GFPT1: variants seen among roughly 807,000 people sequenced by gnomAD.
The protein encoded by GFPT1 is glutamine--fructose-6-phosphate transaminase 1, also known as glutamine--fructose-6-phosphate aminotransferase [isomerizing] 1.
Under a neutral mutation model 92.0 loss-of-function variants are expected in GFPT1, and 40 were observed. That is an observed-to-expected ratio of 0.43 (90% confidence interval 0.34 to 0.57). GFPT1 has a LOEUF of 0.57. Among genes scored for constraint, GFPT1 ranks in the 20% least tolerant of loss-of-function variants. The pLI, the probability that GFPT1 is intolerant of heterozygous loss-of-function variation, is 0.02. For missense variants in GFPT1, 448 were observed against 869.1 expected (o/e 0.52, Z 6.09); for synonymous variants, 269 against 280.6 (o/e 0.96, Z 0.41).
chr2:69,327,241 G>C lies in GFPT1; in HGVS notation c.1894-166C>G, dbSNP rs1362407065. Among the ~76,000 whole-genome samples, 4 of 152,298 alleles carry C rather than the reference G, an allele frequency of 2.6e-5. No individual in the cohort carries two copies. In the East Asian group the frequency reaches 7.7e-4, roughly 29 times the overall value. On this transcript the variant is annotated intron_variant, in intron 18 of 19. Coordinates refer to ENST00000357308, the MANE Select transcript of GFPT1 (RefSeq NM_001244710.2). The stretch of plus-strand genomic sequence containing the variant: ...CTGATTGTTATTACTTATAGTCGAG[G>C]AAACAGAAGCGTTATGGGATCCAGT...
intron 3 of GFPT1, among the ~76,000 whole-genome samples, chr2:69,368,154 G>A (rs759319524): frequency 3.9e-5 from 6 of 152,168 alleles, no homozygotes; most frequent in South Asian, 2.1e-4. Context: ...AGGCCAAGGC[G>A]GGCAGATCAC....
chr2:69,341,317 TA>T (rs1317721637), intron 13 of GFPT1, among the ~76,000 whole-genome samples: 1 of 152,028 alleles, frequency 6.6e-6, no homozygotes, highest in African/African-American at 2.4e-5. Context: ...TAGGACCATA[TA>T]ATTTTGGGGG....
intron 11 of GFPT1, among the ~76,000 whole-genome samples, 168 bp downstream of exon 11, chr2:69,348,000 ACAG>A: frequency 6.6e-6 from 1 of 152,238 alleles, no homozygotes; most frequent in East Asian, 1.9e-4. Flanking sequence ...GATTGTAAAA[ACAG>A]CAGATAATTT....
intron 12 of GFPT1, among the ~76,000 whole-genome samples, chr2:69,344,568 C>T (rs1278153933): frequency 6.6e-6 from 1 of 152,108 alleles, no homozygotes; most frequent in Non-Finnish European, 1.5e-5. Flanking sequence ...GCCTCAATCT[C>T]CTCATCCTAA....
At chr2:69,333,546 C>G (rs893022886) in intron 15 of GFPT1, among the ~76,000 whole-genome samples, 1 of 152,198 alleles carries the variant, frequency 6.6e-6, no homozygotes, top group African/African-American at 2.4e-5. Flanking sequence ...CAGGAAAATG[C>G]TGACTCTGAA....
rs1362075517 is a variant in GFPT1 at position 69,324,274 on chromosome 2, T to C, written c.*1915A>G. 2.0e-5 allele frequency: 3 copies of C among 152,222 alleles called. No individual in the cohort carries two copies. Among genetic ancestry groups the C allele is most frequent in the Non-Finnish European group, 4.4e-5 (3 of 68,046 alleles). 9.4% of individuals were successfully genotyped at this position (152,222 alleles called of 1,614,324 possible). On this transcript the variant is annotated 3_prime_UTR_variant, in exon 20 of 20. Transcript: ENST00000357308. ...GGGAGACAGAGATTATGCAGACTAA[T>C]GACTGACTTCACATATTAGTTTTAA...
At chr2:69,361,170 G>A (rs968743215) in intron 4 of GFPT1, among the ~76,000 whole-genome samples, 7 of 151,974 alleles carry the variant, frequency 4.6e-5, no homozygotes, top group African/African-American at 7.2e-5. Context: ...AAAACTTGCC[G>A]GGTGCGGTGG....
chr2:69,345,842 T>G (rs1171610152), intron 12 of GFPT1, 62 bp downstream of exon 12: 1 of 926,458 alleles, frequency 1.1e-6, no homozygotes. Context: ...ACTTTCAGGT[T>G]GTTAATGGCA....
At chr2:69,357,905 T>C (rs1205439443) in intron 6 of GFPT1, among the ~76,000 whole-genome samples, 3 of 152,144 alleles carry the variant, frequency 2.0e-5, no homozygotes, top group Non-Finnish European at 2.9e-5. Flanking sequence ...GCAGGCATTA[T>C]CCCAGAAAAT....
Position 69,321,144 on chromosome 2 carries a change from T to C in GFPT1, c.*5045A>G, listed in dbSNP as rs921788905. ...CTGACCTTAAATATTATCCTTTCTT[T>C]TGCAACTATCAATTCACTTAAAAGT... is the stretch of plus-strand genomic sequence containing the variant. On this transcript the variant is annotated 3_prime_UTR_variant, in exon 20 of 20. Coordinates refer to ENST00000357308, the MANE Select transcript of GFPT1 (RefSeq NM_001244710.2). 1 of 152,242 alleles carries C rather than the reference T, an allele frequency of 6.6e-6. No individual in the cohort carries two copies. Among genetic ancestry groups the C allele is most frequent in the African/African-American group, 2.4e-5 (1 of 41,460 alleles). 9.4% of individuals were successfully genotyped at this position (152,242 alleles called of 1,614,324 possible).
Position 69,345,770 on chromosome 2 carries a change from T to C in GFPT1, c.1105+134A>G, listed in dbSNP as rs539956169. On this transcript the variant is annotated intron_variant, in intron 12 of 19. Transcript: ENST00000357308. ...ACACACTAAAGAACTTTTTCCAAGA[T>C]GGCTGGGCTCCACTGATGGCTGGCA... The C allele has an allele frequency of 1.4e-4, 89 of 651,022 alleles. 1 individual carries two copies. The highest frequency in any genetic ancestry group is 1.3e-3 in the South Asian group (70 of 55,884). The allele number at this position is 651,022 out of a possible 1,614,324, so 40.3% of individuals were successfully genotyped here.
chr2:69,329,249 G>A lies in GFPT1; in HGVS notation c.1725+48C>T, dbSNP rs772539417. The A allele has an allele frequency of 5.1e-6, 8 of 1,575,302 alleles. No individual in the cohort carries two copies. In the East Asian group the frequency reaches 1.6e-4, roughly 31 times the overall value. ...AATGTAAAAGTATGACTATGTGTCA[G>A]GTCTGCAGGTCAATGGACTGATACT... On this transcript the variant is annotated intron_variant, in intron 17 of 19. Coordinates refer to ENST00000357308, the MANE Select transcript of GFPT1 (RefSeq NM_001244710.2).
chr2:69,335,772 G>C (rs532220743), intron 15 of GFPT1, among the ~76,000 whole-genome samples: 26 of 152,300 alleles, frequency 1.7e-4, no homozygotes, highest in African/African-American at 5.1e-4. Context: ...TGTAACCCCA[G>C]CACTTTGGGA....
rs1670605709 is a variant in GFPT1 at position 69,329,399 on chromosome 2, C to T, written c.1623G>A (p.Met541Ile). The change falls in exon 17 of 20, where the codon ATG becomes ATA. Residue 541 changes from methionine (M) to isoleucine (I), a missense_variant. Met to Ile is a conservative substitution (Grantham distance 10, BLOSUM62 1). Coordinates refer to ENST00000357308, the MANE Select transcript of GFPT1 (RefSeq NM_001244710.2). ...LPDLIKEVLS[M>I]DDEIQKLATE... is the part of the protein sequence containing the mutation. ...TTGCTAGTTTCTGAATTTCGTCATC[C>T]ATGCTCAGTACTTCCTTAATCAAAT... 2 of 1,609,656 alleles carry T rather than the reference C, an allele frequency of 1.2e-6. No homozygotes were observed. The highest frequency in any genetic ancestry group is 2.7e-5 in the African/African-American group (2 of 74,846).
intron 4 of GFPT1, among the ~76,000 whole-genome samples, chr2:69,361,853 G>A (rs1385369337): frequency 6.6e-6 from 1 of 152,094 alleles, no homozygotes; most frequent in Non-Finnish European, 1.5e-5. Context: ...GGTGGTGCAA[G>A]CCTGTGATCC....
chr2:69,349,804 G>T (rs1671163810), intron 10 of GFPT1, among the ~76,000 whole-genome samples: 2 of 152,008 alleles, frequency 1.3e-5, no homozygotes, highest in Admixed American at 1.3e-4. Flanking sequence ...TAAGGCTCCT[G>T]AAATAAGAAG....
intron 10 of GFPT1, 93 bp downstream of exon 10, chr2:69,349,985 G>A (rs2104638796): frequency 2.3e-6 from 2 of 852,060 alleles, no homozygotes; most frequent in Non-Finnish European, 3.9e-6. Flanking sequence ...ATCTCACAGA[G>A]CACAACTAGA....
In GFPT1 at chr2:69,326,914, A is replaced by G. The variant is rs1314857762; in HGVS notation, c.2055T>C (p.Asp685=). 2 of 1,614,038 alleles carry G rather than the reference A, an allele frequency of 1.2e-6. No homozygotes were observed. Among genetic ancestry groups the G allele is most frequent in the Non-Finnish European group, 8.5e-7 (1 of 1,179,968 alleles). The change falls in exon 19 of 20, where the codon GAT becomes GAC. Residue 685 remains aspartate, a splice_region_variant and synonymous_variant. Transcript: ENST00000357308. The part of the protein sequence containing the change: ...AFHLAVLRGY[D]VDFPRNLAKS... ...ATTTCTGCAGTGGTAGATGACTTACATCATAGCCTCTCAGCACAGCAAGGT... is the reference window on the plus strand; with the variant it reads ...ATTTCTGCAGTGGTAGATGACTTACGTCATAGCCTCTCAGCACAGCAAGGT...
chr2:69,373,829 G>A (rs1364125602), intron 2 of GFPT1, among the ~76,000 whole-genome samples, 177 bp downstream of exon 2: 2 of 151,934 alleles, frequency 1.3e-5, no homozygotes, highest in African/African-American at 4.8e-5. Flanking sequence ...CCACATAAAT[G>A]GTAACACTGT....
Sources: allele counts gnomAD v4.1 joint callset (sites outside exome capture counted in the v4.1 genomes callset), GRCh38; gene constraint gnomAD v4.1.1; transcripts MANE v1.5; gene names NCBI Gene and HGNC (gene_info 2026-07-23, HGNC 2026-07-21).